ITGAX: variants seen among roughly 807,000 people sequenced by gnomAD.
The protein encoded by ITGAX is integrin alpha-X.
A neutral mutation model predicts 140.2 loss-of-function variants in ITGAX; 99 were observed. The observed-to-expected ratio is 0.71, with a 90% confidence interval of 0.60 to 0.83. The LOEUF (loss-of-function observed/expected upper bound fraction) is 0.83. Ranked by LOEUF, ITGAX falls within the 40% of genes least tolerant of loss-of-function variation. The pLI is 0.00. For synonymous variants in ITGAX, 631 were observed against 600.4 expected (o/e 1.05, Z -0.75); for missense variants, 1,444 against 1,482.0 (o/e 0.97, Z 0.42).
intron 14 of ITGAX, among the ~76,000 whole-genome samples, chr16:31,369,366 G>A (rs550591100): frequency 1.3e-5 from 2 of 152,150 alleles, no homozygotes; most frequent in South Asian, 2.1e-4. Context: ...AGGGGCGGCC[G>A]GGCAGAGGCG....
chr16:31,359,587 C>A, intron 5 of ITGAX, 113 bp from the exon 6 acceptor site: 1 of 1,295,214 alleles, frequency 7.7e-7, no homozygotes, highest in Non-Finnish European at 1.1e-6. Flanking sequence ...CATCGCCAGA[C>A]TAGGGGCTTA....
intron 9 of ITGAX, chr16:31,361,461 G>A: frequency 1.5e-6 from 1 of 672,266 alleles, no homozygotes; most frequent in Non-Finnish European, 2.7e-6. Context: ...CGGCTCCACT[G>A]CAGAACAAAA....
chr16:31,380,217 C>T (rs763381798), intron 26 of ITGAX, 49 bp from the exon 27 acceptor site: 1 of 1,585,440 alleles, frequency 6.3e-7, no homozygotes, highest in Non-Finnish European at 8.6e-7. Flanking sequence ...TGCTGCCTCC[C>T]ACCTTCACAC....
At chr16:31,372,714 T>C in intron 19 of ITGAX, 44 bp downstream of exon 19, 1 of 1,562,240 alleles carries the variant, frequency 6.4e-7, no homozygotes. Flanking sequence ...CCCAGCCTCC[T>C]TCCTGGAATC....
rs1201770530 is a variant in ITGAX, at chr16:31,382,082, G to T, written c.*175G>T. ...GGGAAGGGGCCTTTGTCTTGTCAAG[G>T]TTCCAACTGGAAACCCTTAGGACAG... is the stretch of plus-strand genomic sequence containing the variant. On this transcript the variant is annotated 3_prime_UTR_variant, in exon 30 of 30. Transcript: ENST00000268296. 2.1e-6 allele frequency: 3 copies of T among 1,434,194 alleles called. No individual in the cohort carries two copies. The highest frequency in any genetic ancestry group is 2.9e-5 in the Admixed American group (1 of 34,918). The allele number at this position is 1,434,194 out of a possible 1,614,324, so 88.8% of individuals were successfully genotyped here.
chr16:31,372,290 G>A (rs1235586225), intron 17 of ITGAX, 88 bp from the exon 18 acceptor site: 6 of 1,491,708 alleles, frequency 4.0e-6, no homozygotes, highest in Middle Eastern at 2.4e-4. Flanking sequence ...CGGGAGCTGG[G>A]CAGAGGCAGG....
rs139448665 is a variant in ITGAX at position 31,371,382 on chromosome 16, C to T, written c.1890C>T (p.Ala630=). Reference sequence around the variant, plus strand: ...GGGTGAGCATGCAGTTCATACCTGCCGAGATCCCCAGGTCTGCGTTTGAGT... The same window carrying T: ...GGGTGAGCATGCAGTTCATACCTGCTGAGATCCCCAGGTCTGCGTTTGAGT... ...WVGVSMQFIP[A]EIPRSAFECR... The change falls in exon 16 of 30, where the codon GCC becomes GCT. Residue 630 remains alanine (A), a synonymous_variant. Transcript: ENST00000268296. 17 of 1,614,080 alleles carry T rather than the reference C, an allele frequency of 1.1e-5. No homozygotes were observed. In the East Asian group the frequency reaches 1.3e-4, roughly 13 times the overall value.
intron 14 of ITGAX, among the ~76,000 whole-genome samples, chr16:31,364,160 C>T (rs1209550135): frequency 6.6e-6 from 1 of 152,154 alleles, no homozygotes; most frequent in Non-Finnish European, 1.5e-5. Context: ...AGGTGGCTCA[C>T]ATCTGTAATT....
chr16:31,367,357 A>T (rs2080902232), intron 14 of ITGAX, among the ~76,000 whole-genome samples: 1 of 152,234 alleles, frequency 6.6e-6, no homozygotes, highest in African/African-American at 2.4e-5. Context: ...ATGGAAGAAG[A>T]TGGCATCTAG....
Position 31,382,018 on chromosome 16 carries a change from TG to T in ITGAX, c.*114del. 1 of 1,467,172 alleles carries T rather than the reference TG, an allele frequency of 6.8e-7. No individual in the cohort carries two copies. Among genetic ancestry groups the T allele is most frequent in the Non-Finnish European group, 9.0e-7 (1 of 1,113,620 alleles). 90.9% of individuals were successfully genotyped at this position (1,467,172 alleles called of 1,614,324 possible). On this transcript the variant is annotated 3_prime_UTR_variant, in exon 30 of 30. Coordinates refer to ENST00000268296, the MANE Select transcript of ITGAX (RefSeq NM_000887.5). ...ACTGCACCACCGAGAGAGGCTGGGA[TG>T]GGCCTGCTTCCTGTCTTTGGGAGAA...
Position 31,361,913 on chromosome 16 carries a change from AG to A in ITGAX, c.1086+5del. 1 of 1,613,950 alleles carries A rather than the reference AG, an allele frequency of 6.2e-7. No homozygotes were observed. The highest frequency in any genetic ancestry group is 8.5e-7 in the Non-Finnish European group (1 of 1,179,986). ...CTTCAGCGCTGTGTTCACACCTGTG[AG>A]TGGGGCCCCTTAGGCCGATGATGTG... On this transcript the variant is annotated splice_donor_5th_base_variant and intron_variant, in intron 10 of 29. Transcript: ENST00000268296.
At chr16:31,365,747 AC>A (rs1320640121) in intron 14 of ITGAX, among the ~76,000 whole-genome samples, 1 of 152,000 alleles carries the variant, frequency 6.6e-6, no homozygotes, top group Non-Finnish European at 1.5e-5. Flanking sequence ...ACATGGGGAA[AC>A]CCCGTCTCTA....
At chr16:31,372,342 C>T in intron 17 of ITGAX, 36 bp from the exon 18 acceptor site, 1 of 1,580,742 alleles carries the variant, frequency 6.3e-7, no homozygotes, top group South Asian at 1.2e-5. Context: ...CTTACCCTCC[C>T]CTTACCCTCC....
At chr16:31,355,699 C>A (rs951237762) in intron 1 of ITGAX, among the ~76,000 whole-genome samples, 194 bp from the exon 2 acceptor site, 1 of 152,026 alleles carries the variant, frequency 6.6e-6, no homozygotes, top group African/African-American at 2.4e-5. Context: ...AACTGCAACT[C>A]GATAGTGGAT....
intron 5 of ITGAX, chr16:31,358,426 C>G (rs2080785822): frequency 6.6e-6 from 1 of 152,094 alleles, no homozygotes; most frequent in Admixed American, 6.5e-5. Context: ...GACCTCATCT[C>G]TACAAAAAAT....
At chr16:31,366,815 C>G (rs2080897407) in intron 14 of ITGAX, among the ~76,000 whole-genome samples, 1 of 152,208 alleles carries the variant, frequency 6.6e-6, no homozygotes, top group African/African-American at 2.4e-5. Context: ...CACGTCTGGC[C>G]ACATATCTCT....
At chr16:31,357,199 T>C (rs1015157912) in intron 4 of ITGAX, 54 bp from the exon 5 acceptor site, 8 of 1,544,904 alleles carry the variant, frequency 5.2e-6, no homozygotes, top group African/African-American at 1.4e-5. Flanking sequence ...GGTTCCGGAA[T>C]GTGAGGGTGG....
chr16:31,371,363 G>C lies in ITGAX; in HGVS notation c.1871G>C (p.Ser624Thr). Residue 624 changes from serine (S) to threonine (T), a missense_variant, in exon 16 of 30, where the codon AGC becomes ACC. By Grantham distance (58) the Ser-to-Thr change is moderately conservative. Coordinates refer to ENST00000268296, the MANE Select transcript of ITGAX (RefSeq NM_000887.5). ...AGACCTGTGCTCTGGGTGGGGGTGA[G>C]CATGCAGTTCATACCTGCCGAGATC... is the stretch of plus-strand genomic sequence containing the variant. ...RTRPVLWVGV[S>T]MQFIPAEIPR... 6.2e-7 allele frequency: 1 copy of C among 1,614,186 alleles called. No homozygotes were observed. The highest frequency in any genetic ancestry group is 8.5e-7 in the Non-Finnish European group (1 of 1,180,042).
intron 14 of ITGAX, among the ~76,000 whole-genome samples, chr16:31,368,163 T>TTTA: frequency 6.6e-6 from 1 of 151,630 alleles, no homozygotes; most frequent in Admixed American, 6.6e-5. Context: ...TTTTTTTTTT[T>TTTA]CAGATGGAAT....
Sources: gnomAD v4.1 joint callset for allele counts (sites outside exome capture counted in the v4.1 genomes callset) on GRCh38, gnomAD v4.1.1 for gene constraint, MANE v1.5 for transcripts, NCBI Gene and HGNC (gene_info 2026-07-23, HGNC 2026-07-21) for gene names.